Variants in PARD3 observed in about 807,000 individuals in gnomAD.
PARD3 encodes partitioning defective 3 homolog.
Under a neutral mutation model 155.4 loss-of-function variants are expected in PARD3, and 75 were observed. The ratio of observed to expected loss-of-function variants is 0.48; its 90% CI spans 0.40 to 0.58. PARD3 has a LOEUF of 0.58. PARD3 is among the 20% of genes least tolerant of loss of function. The pLI is 0.00. For synonymous variants in PARD3, 576 were observed against 610.5 expected, an observed-to-expected ratio of 0.94 and a Z score of 0.83; for missense variants, 1,642 against 1,721.7, an observed-to-expected ratio of 0.95 and a Z score of 0.82.
intron 7 of PARD3, among the ~76,000 whole-genome samples, chr10:34,398,242 T>A (rs918742043): frequency 6.6e-6 from 1 of 152,148 alleles, no homozygotes; most frequent in Non-Finnish European, 1.5e-5. Flanking sequence ...CACAGTTACT[T>A]ACAAGTAACA....
chr10:34,515,615 A>G (rs2081677086), intron 3 of PARD3, among the ~76,000 whole-genome samples: 1 of 152,188 alleles, frequency 6.6e-6, no homozygotes, highest in Non-Finnish European at 1.5e-5. Flanking sequence ...ACAGATCTCT[A>G]ACTGTTAAAC....
At chr10:34,762,708 G>A (rs1302166849) in intron 1 of PARD3, among the ~76,000 whole-genome samples, 1 of 152,154 alleles carries the variant, frequency 6.6e-6, no homozygotes, top group African/African-American at 2.4e-5. Context: ...GAGACTGGGA[G>A]TCGGGGAAAA....
intron 1 of PARD3, among the ~76,000 whole-genome samples, chr10:34,736,178 C>T (rs2133848732): frequency 6.6e-6 from 1 of 152,076 alleles, no homozygotes; most frequent in East Asian, 1.9e-4. Flanking sequence ...ACTACAGGTG[C>T]CCACCACCAC....
At chr10:34,741,173 A>ATTTTTTTTTTTT (rs1470627211) in intron 1 of PARD3, among the ~76,000 whole-genome samples, 1 of 82,884 alleles carries the variant, frequency 1.2e-5, no homozygotes, top group African/African-American at 3.4e-5. Context: ...TCGTAAACCA[A>ATTTTTTTTTTTT]ATTTTTTTTT....
intron 5 of PARD3, among the ~76,000 whole-genome samples, chr10:34,433,799 A>G (rs2076061305): frequency 6.6e-6 from 1 of 152,212 alleles, no homozygotes; most frequent in South Asian, 2.1e-4. Context: ...AATTACAAGC[A>G]GAAAGCCCTT....
chr10:34,671,472 C>A (rs117426280), intron 2 of PARD3, among the ~76,000 whole-genome samples: 14 of 152,218 alleles, frequency 9.2e-5, no homozygotes, highest in East Asian at 1.9e-4. Flanking sequence ...CTTTAAAATT[C>A]TTTGGCATTT....
chr10:34,517,494 GTA>G (rs985792492), intron 2 of PARD3, among the ~76,000 whole-genome samples: 2 of 152,060 alleles, frequency 1.3e-5, no homozygotes, highest in African/African-American at 4.8e-5. Flanking sequence ...GCAAAAGTGT[GTA>G]TATATATGAG....
At chr10:34,342,339 C>T (rs1359621051) in intron 15 of PARD3, among the ~76,000 whole-genome samples, 1 of 152,158 alleles carries the variant, frequency 6.6e-6, no homozygotes, top group Non-Finnish European at 1.5e-5. Context: ...GAGTCCAAAG[C>T]CATTCACTTG....
intron 2 of PARD3, among the ~76,000 whole-genome samples, chr10:34,537,819 G>T (rs928320920): frequency 1.3e-5 from 2 of 152,222 alleles, no homozygotes; most frequent in Non-Finnish European, 2.9e-5. Context: ...ACACAACTCT[G>T]ATTAGACAAT....
chr10:34,264,906 C>T (rs1322659978), intron 22 of PARD3, among the ~76,000 whole-genome samples: 4 of 152,066 alleles, frequency 2.6e-5, no homozygotes, highest in Non-Finnish European at 4.4e-5. Flanking sequence ...CATGTCACCA[C>T]GCCTGGCTAA....
chr10:34,233,391 G>C (rs587488), intron 22 of PARD3, among the ~76,000 whole-genome samples: 1 of 151,890 alleles, frequency 6.6e-6, no homozygotes, highest in African/African-American at 2.4e-5. Flanking sequence ...CAAGGGCTCA[G>C]AACTAGCCCT....
chr10:34,607,651 G>A (rs2090574758), intron 2 of PARD3, among the ~76,000 whole-genome samples: 1 of 152,220 alleles, frequency 6.6e-6, no homozygotes, highest in Non-Finnish European at 1.5e-5. Flanking sequence ...TCCATCCTTT[G>A]GCACCTATAA....
intron 21 of PARD3, among the ~76,000 whole-genome samples, chr10:34,273,315 T>C (rs1471604973): frequency 6.6e-6 from 1 of 152,064 alleles, no homozygotes; most frequent in African/African-American, 2.4e-5. Context: ...GCTGTACAAA[T>C]GAACAAACTA....
At chr10:34,568,812 T>TC (rs1199632817) in intron 2 of PARD3, among the ~76,000 whole-genome samples, 3 of 152,212 alleles carry the variant, frequency 2.0e-5, no homozygotes, top group Non-Finnish European at 4.4e-5. Context: ...AAAGATGCAC[T>TC]CAAATGTTAA....
chr10:34,210,292 T>C (rs1235337549), intron 22 of PARD3, among the ~76,000 whole-genome samples: 2 of 152,144 alleles, frequency 1.3e-5, no homozygotes, highest in Admixed American at 1.3e-4. Context: ...TGAGGAATAT[T>C]TGAGTTTTCT....
chr10:34,640,244 G>T (rs940652466), intron 2 of PARD3, among the ~76,000 whole-genome samples: 4 of 152,132 alleles, frequency 2.6e-5, no homozygotes, highest in African/African-American at 9.7e-5. Context: ...AAGAGCAAAG[G>T]GTCTGGGCAC....
At chr10:34,424,969 T>A (rs1053764024) in intron 5 of PARD3, among the ~76,000 whole-genome samples, 7 of 152,194 alleles carry the variant, frequency 4.6e-5, no homozygotes, top group African/African-American at 9.7e-5. Context: ...TACCTCCCAT[T>A]TTCTTCACAG....
At chr10:34,212,889 A>G (rs1951823773) in intron 22 of PARD3, among the ~76,000 whole-genome samples, 1 of 152,202 alleles carries the variant, frequency 6.6e-6, no homozygotes, top group Non-Finnish European at 1.5e-5. Context: ...TCAGGCTCAG[A>G]GGCATCATCA....
intron 2 of PARD3, among the ~76,000 whole-genome samples, chr10:34,562,626 T>C (rs1439090323): frequency 6.6e-6 from 1 of 152,174 alleles, no homozygotes; most frequent in Non-Finnish European, 1.5e-5. Context: ...CTATCATTTA[T>C]ATAAATGTTA....
Sources: allele counts gnomAD v4.1 joint callset (sites outside exome capture counted in the v4.1 genomes callset), GRCh38; gene constraint gnomAD v4.1.1; transcripts MANE v1.5; gene names NCBI Gene and HGNC (gene_info 2026-07-23, HGNC 2026-07-21).